The following PAICS variants were observed in gnomAD, a reference collection of about 807,000 sequenced individuals.
PAICS encodes the protein phosphoribosylaminoimidazole carboxylase and phosphoribosylaminoimidazolesuccinocarboxamide synthase.
PAICS carries 33 observed loss-of-function variants against 53.7 expected under a neutral mutation model. That is an observed-to-expected ratio of 0.61 (90% CI 0.47 to 0.82). The LOEUF (loss-of-function observed/expected upper bound fraction) is 0.82, where lower values mean the gene tolerates loss of function less well. Ranked by LOEUF, PAICS falls within the 40% of genes least tolerant of loss-of-function variation. PAICS has a pLI of 0.00. For synonymous variants in PAICS, 141 were observed against 167.2 expected, an observed-to-expected ratio of 0.84 and a Z score of 1.21; for missense variants, 394 against 494.1, an observed-to-expected ratio of 0.80 and a Z score of 1.92.
chr4:56,444,555 C>T (rs1001299737), intron 2 of PAICS, among the ~76,000 whole-genome samples: 41 of 152,210 alleles, frequency 2.7e-4, no homozygotes, highest in African/African-American at 7.9e-4. Context: ...CAGAGTGTGT[C>T]AGTGACATAA....
At chr4:56,435,541 G>A (rs1282947342), upstream of PAICS, 4 of 1,609,042 alleles carry the variant, frequency 2.5e-6, no homozygotes, top group Admixed American at 1.7e-5. Flanking sequence ...CCAACCAGCT[G>A]CCAGCTCGGC....
chr4:56,450,769 GA>G (rs376941844), intron 6 of PAICS, 67 bp downstream of exon 6: 157 of 792,496 alleles, frequency 2.0e-4, no homozygotes, highest in Admixed American at 9.6e-4. Flanking sequence ...TGTTTCAAAA[GA>G]AAAAAAAATG....
At chr4:56,433,681 G>A (rs187673024), upstream of PAICS, among the ~76,000 whole-genome samples, 432 of 146,328 alleles carry the variant, frequency 3.0e-3, 1 homozygote, top group Non-Finnish European at 4.6e-3. Flanking sequence ...CCATGACAGA[G>A]TATCCAAAAT....
the PAICS span, among the ~76,000 whole-genome samples, chr4:56,428,402 T>C: frequency 6.6e-6 from 1 of 151,854 alleles, no homozygotes; most frequent in African/African-American, 2.4e-5. Context: ...AACAAGAAAA[T>C]ATTTGAGGAA....
At chr4:56,433,013 AAAACT>A (rs778205813), upstream of PAICS, among the ~76,000 whole-genome samples, 4 of 150,738 alleles carry the variant, frequency 2.7e-5, no homozygotes, top group Non-Finnish European at 5.9e-5. Flanking sequence ...ATATATATAT[AAAACT>A]AAACTAAAAG....
At chr4:56,443,497 G>C (rs12504291) in intron 2 of PAICS, among the ~76,000 whole-genome samples, 25,718 of 151,914 alleles carry the variant, frequency 0.17, 2,534 homozygotes, top group Admixed American at 0.32. Context: ...CTGTTCCATC[G>C]ATTTTTTTTT....
upstream of PAICS, among the ~76,000 whole-genome samples, chr4:56,434,891 T>C (rs1431763198): frequency 6.6e-6 from 1 of 152,230 alleles, no homozygotes; most frequent in Admixed American, 6.5e-5. Context: ...AAACAAAAGC[T>C]TGTGGTGGTT....
Position 56,459,582 on chromosome 4 carries a change from C to A in PAICS, c.*44C>A, listed in dbSNP as rs746939298. On this transcript the variant is annotated 3_prime_UTR_variant, in exon 9 of 9. Coordinates refer to ENST00000512576, the MANE Select transcript of PAICS (RefSeq NM_001079524.2). Reference sequence around the variant, plus strand: ...TTTTTAGGGGAAAAACTACAAATTTCTAATTTAGCTGAAGGAAAATCAAGC... The same window carrying A: ...TTTTTAGGGGAAAAACTACAAATTTATAATTTAGCTGAAGGAAAATCAAGC... 7.2e-7 allele frequency: 1 copy of A among 1,386,066 alleles called. No homozygotes were observed. The allele number at this position is 1,386,066 out of a possible 1,614,324, so 85.9% of individuals were successfully genotyped here.
At chr4:56,435,198 A>G, upstream of PAICS, 1 of 1,157,198 alleles carries the variant, frequency 8.6e-7, no homozygotes, top group Non-Finnish European at 1.2e-6. Context: ...GTGCACGCCT[A>G]GGCAACCCGG....
At chr4:56,434,830 T>A (rs963422662), upstream of PAICS, among the ~76,000 whole-genome samples, 1 of 152,238 alleles carries the variant, frequency 6.6e-6, no homozygotes. Flanking sequence ...CAAGTTCCCA[T>A]AGCGATAACT....
chr4:56,428,555 G>C, the PAICS span, among the ~76,000 whole-genome samples: 1 of 151,972 alleles, frequency 6.6e-6, no homozygotes, highest in African/African-American at 2.4e-5. Context: ...ATTTTATGAA[G>C]AAGTTGACTG....
At chr4:56,427,401 C>A in the PAICS span, among the ~76,000 whole-genome samples, 2 of 152,120 alleles carry the variant, frequency 1.3e-5, no homozygotes, top group African/African-American at 2.4e-5. Context: ...ATGGCATATG[C>A]TGAAAGTTTC....
rs1719565196 is a variant in PAICS at position 56,462,959 on chromosome 4, C to T, written c.*3421C>T. ...AGGTTGTGGTGAGCCGAGGTTGCGC[C>T]ATTGTACTCCAGCCTGGGCAACAAG... On this transcript the variant is annotated 3_prime_UTR_variant, in exon 9 of 9. Transcript: ENST00000512576. 1 of 151,958 alleles carries T rather than the reference C, an allele frequency of 6.6e-6. No individual in the cohort carries two copies. The highest frequency in any genetic ancestry group is 1.5e-5 in the Non-Finnish European group (1 of 68,042). 9.4% of individuals were successfully genotyped at this position (151,958 alleles called of 1,614,324 possible).
Position 56,457,662 on chromosome 4 carries a change from GTTTTTTT to G in PAICS, c.1112-1695_1112-1689del, listed in dbSNP as rs756911104. 1.8e-3 allele frequency among the ~76,000 whole-genome samples: 224 copies of G among 127,926 alleles called. 1 individual carries two copies. Among genetic ancestry groups the G allele is most frequent in the Admixed American group, 0.014 (171 of 12,650 alleles). The allele number at this position is 127,926 out of a possible 152,430, so 83.9% of individuals were successfully genotyped here. A position where few individuals can be genotyped will look rare whatever the true frequency, so the allele number is the denominator to read the frequency against. ...TTCCCTGCTTTCAGTTTAGAATTAA[GTTTTTTT>G]TTTTTTTTTTTTTTAAATGGAGTTT... is the stretch of plus-strand genomic sequence containing the variant. On this transcript the variant is annotated intron_variant, in intron 8 of 8. Coordinates refer to ENST00000512576, the MANE Select transcript of PAICS (RefSeq NM_001079524.2).
chr4:56,436,815 C>T (rs1007698785), intron 1 of PAICS, among the ~76,000 whole-genome samples: 5 of 152,006 alleles, frequency 3.3e-5, no homozygotes, highest in African/African-American at 1.2e-4. Flanking sequence ...GCCAACATGG[C>T]GAAACCCCGT....
Position 56,459,893 on chromosome 4 carries a change from ATTTTTT to A in PAICS, c.*367_*372del. 1 of 139,874 alleles carries A rather than the reference ATTTTTT, an allele frequency of 7.1e-6. No individual in the cohort carries two copies. Among genetic ancestry groups the A allele is most frequent in the Non-Finnish European group, 1.5e-5 (1 of 65,386 alleles). The allele number at this position is 139,874 out of a possible 1,614,324, so 8.7% of individuals were successfully genotyped here. A position where few individuals can be genotyped will look rare whatever the true frequency, so the allele number is the denominator to read the frequency against. On this transcript the variant is annotated 3_prime_UTR_variant, in exon 9 of 9. Transcript: ENST00000512576. ...CCCAGCTATATTTCTCCAGACTTGC[ATTTTTT>A]TTTTTTTTTTTGAGACAGGGTCTCA... is the stretch of plus-strand genomic sequence containing the variant.
upstream of PAICS, chr4:56,435,515 G>C: frequency 6.2e-7 from 1 of 1,612,326 alleles, no homozygotes; most frequent in Non-Finnish European, 8.5e-7. Flanking sequence ...CTGCCGCTGC[G>C]GCCAAGGTGT....
In PAICS at chr4:56,437,893, C is replaced by T. The variant is rs1017933891; in HGVS notation, c.16+1565C>T. Among the ~76,000 whole-genome samples the T allele has an allele frequency of 4.0e-5, 6 of 151,138 alleles. No homozygotes were observed. In the South Asian group the frequency reaches 6.3e-4, roughly 16 times the overall value. ...TTCAGATGATATTGAGTATCAACTC[C>T]CTAGAATCAAGGCAAGGACCAGAAT... On this transcript the variant is annotated intron_variant, in intron 1 of 8. Coordinates refer to ENST00000512576, the MANE Select transcript of PAICS (RefSeq NM_001079524.2).
the PAICS span, chr4:56,425,418 G>A: frequency 1.4e-5 from 13 of 941,672 alleles, no homozygotes; most frequent in Admixed American, 6.2e-5. Context: ...TCAGAAAACC[G>A]AAGACTTACA....
Sources: allele counts gnomAD v4.1 joint callset (sites outside exome capture counted in the v4.1 genomes callset), GRCh38; gene constraint gnomAD v4.1.1; transcripts MANE v1.5; gene names NCBI Gene and HGNC (gene_info 2026-07-23, HGNC 2026-07-21).